The following PCDH15 variants were observed in gnomAD, a reference collection of about 807,000 sequenced individuals.
The protein encoded by PCDH15 is protocadherin related 15, also known as protocadherin-15.
Under a neutral mutation model 178.5 loss-of-function variants are expected in PCDH15, and 129 were observed. The ratio of observed to expected loss-of-function variants is 0.72; its 90% CI spans 0.63 to 0.84. The LOEUF is 0.84. Ranked by LOEUF, PCDH15 falls within the 40% of genes least tolerant of loss-of-function variation. The pLI, the probability that PCDH15 is intolerant of heterozygous loss-of-function variation, is 0.00. For synonymous variants in PCDH15, 800 were observed against 732.0 expected (o/e 1.09, Z -1.50); for missense variants, 2,230 against 2,099.9 (o/e 1.06, Z -1.21).
chr10:55,503,774 A>C (rs1840704852), intron 2 of PCDH15, among the ~76,000 whole-genome samples: 1 of 151,426 alleles, frequency 6.6e-6, no homozygotes, highest in Non-Finnish European at 1.5e-5. Flanking sequence ...GAAAACACCA[A>C]ATCTTGTCAA....
intron 8 of PCDH15, among the ~76,000 whole-genome samples, chr10:54,287,316 A>G (rs2059092067): frequency 6.6e-6 from 1 of 152,206 alleles, no homozygotes; most frequent in Non-Finnish European, 1.5e-5. Flanking sequence ...TTGGGCTTTT[A>G]TGACACACAA....
At chr10:54,935,221 A>AAAG (rs1220684657) in intron 2 of PCDH15, among the ~76,000 whole-genome samples, 7 of 152,088 alleles carry the variant, frequency 4.6e-5, no homozygotes, top group African/African-American at 1.4e-4. Context: ...CCTAAAACTT[A>AAAG]AAGTATAATA....
At chr10:54,153,957 C>A (rs1481511594) in intron 13 of PCDH15, among the ~76,000 whole-genome samples, 1 of 152,118 alleles carries the variant, frequency 6.6e-6, no homozygotes, top group African/African-American at 2.4e-5. Flanking sequence ...AGAAATGTTT[C>A]TTTGGGGAAA....
chr10:53,912,047 A>G (rs903244185), intron 25 of PCDH15, among the ~76,000 whole-genome samples: 3 of 152,222 alleles, frequency 2.0e-5, no homozygotes, highest in African/African-American at 7.2e-5. Flanking sequence ...AAAATCTTCA[A>G]TAAAATACCC....
At chr10:55,078,270 G>A (rs1055299293) in intron 2 of PCDH15, among the ~76,000 whole-genome samples, 5 of 152,104 alleles carry the variant, frequency 3.3e-5, no homozygotes, top group African/African-American at 1.2e-4. Context: ...TGACTTTTGA[G>A]AGATTGACTA....
At position 53,822,819 on chromosome 10, in the gene PCDH15, T is replaced by C. The variant is rs775258944; in HGVS notation, c.4368-2589A>G. 6.2e-6 allele frequency: 10 copies of C among 1,613,832 alleles called. No homozygotes were observed. Among genetic ancestry groups the C allele is most frequent in the Non-Finnish European group, 8.5e-6 (10 of 1,179,862 alleles). On this transcript the variant is annotated intron_variant, in intron 32 of 37. Transcript: ENST00000644397. ...TGTTTCACCTTGCCTTATTTCCTCTTTCTCTGTCAAATTTGCCTCTTCAGT... is the reference window on the plus strand; with the variant it reads ...TGTTTCACCTTGCCTTATTTCCTCTCTCTCTGTCAAATTTGCCTCTTCAGT...
chr10:55,517,704 G>A (rs1006454071), intron 2 of PCDH15, among the ~76,000 whole-genome samples: 1 of 152,064 alleles, frequency 6.6e-6, no homozygotes, highest in Non-Finnish European at 1.5e-5. Flanking sequence ...GTATATAGAT[G>A]TTTATCGCAG....
chr10:55,568,541 TA>T (rs1278241626), intron 2 of PCDH15, among the ~76,000 whole-genome samples: 1 of 151,762 alleles, frequency 6.6e-6, no homozygotes, highest in African/African-American at 2.4e-5. Context: ...TTGGAGAATA[TA>T]AACAAATAAG....
chr10:54,951,025 A>G (rs1302808583), intron 2 of PCDH15, among the ~76,000 whole-genome samples: 3 of 151,906 alleles, frequency 2.0e-5, no homozygotes, highest in Non-Finnish European at 4.4e-5. Flanking sequence ...AATATCTTTC[A>G]TGAGTGTAGT....
chr10:55,034,034 T>C (rs899214034), intron 2 of PCDH15, among the ~76,000 whole-genome samples: 1 of 151,656 alleles, frequency 6.6e-6, no homozygotes, highest in African/African-American at 2.4e-5. Context: ...AACAAACCTG[T>C]CAGTTCCTTG....
intron 1 of PCDH15, among the ~76,000 whole-genome samples, chr10:54,758,936 A>G (rs999003192): frequency 6.6e-5 from 10 of 151,958 alleles, no homozygotes; most frequent in Admixed American, 4.6e-4. Context: ...TTTGCCTCCT[A>G]TAGGTCTGGC....
intron 2 of PCDH15, among the ~76,000 whole-genome samples, chr10:54,580,845 C>T (rs967236907): frequency 6.6e-6 from 1 of 151,932 alleles, no homozygotes; most frequent in Non-Finnish European, 1.5e-5. Flanking sequence ...AAACAAAAAC[C>T]ATGTAATTAT....
rs747389124 is a variant in PCDH15 at position 53,959,916 on chromosome 10, A to G, written c.3010-72T>C. On this transcript the variant is annotated intron_variant, in intron 22 of 37. Coordinates refer to ENST00000644397, the MANE Select transcript of PCDH15 (RefSeq NM_001384140.1). ...GCGTAACAGCACAATTTTTATATGT[A>G]TGTTTTTACTTATTGGATTGCCTGG... 7.8e-6 allele frequency: 9 copies of G among 1,159,510 alleles called. No homozygotes were observed. In the South Asian group the frequency reaches 8.9e-5, roughly 11 times the overall value. 71.8% of individuals were successfully genotyped at this position (1,159,510 alleles called of 1,614,324 possible). A position where few individuals can be genotyped will look rare whatever the true frequency, so the allele number is the denominator to read the frequency against.
intron 2 of PCDH15, among the ~76,000 whole-genome samples, chr10:54,556,624 G>C (rs544020031): frequency 7.1e-6 from 1 of 140,244 alleles, no homozygotes; most frequent in Non-Finnish European, 1.5e-5. Flanking sequence ...TATTTTAAGA[G>C]ACTTTTTTTT....
intron 23 of PCDH15, among the ~76,000 whole-genome samples, chr10:53,941,501 T>A (rs2086063735): frequency 6.6e-6 from 1 of 152,206 alleles, no homozygotes; most frequent in South Asian, 2.1e-4. Flanking sequence ...CTTGATTGCT[T>A]ATTTCATTTT....
At chr10:53,823,969 TTC>T (rs1333254927) in intron 32 of PCDH15, among the ~76,000 whole-genome samples, 6 of 152,150 alleles carry the variant, frequency 3.9e-5, no homozygotes, top group African/African-American at 1.4e-4. Flanking sequence ...GGAGTTTTTC[TTC>T]TGTTTAAATT....
At position 54,155,340 on chromosome 10, in the gene PCDH15, C is replaced by T. The variant is rs182272321; in HGVS notation, c.1591-2047G>A. Among the ~76,000 whole-genome samples the T allele has an allele frequency of 2.0e-5, 3 of 152,176 alleles. No homozygotes were observed. The East Asian group carries it at 5.8e-4, about 29-fold the overall frequency. ...GCAAAACACAGGAGACAGAAACACC[C>T]ACTAAATTGCAGAGATAGTCAACCA... On this transcript the variant is annotated intron_variant, in intron 13 of 37. Transcript: ENST00000644397.
chr10:55,124,108 C>A (rs1337370182), intron 2 of PCDH15, among the ~76,000 whole-genome samples: 1 of 152,172 alleles, frequency 6.6e-6, no homozygotes, highest in Non-Finnish European at 1.5e-5. Context: ...GGACTAGTAT[C>A]AGCTATCATT....
At chr10:55,588,534 A>G (rs1842771808) in intron 2 of PCDH15, among the ~76,000 whole-genome samples, 1 of 152,172 alleles carries the variant, frequency 6.6e-6, no homozygotes, top group South Asian at 2.1e-4. Flanking sequence ...TGGTATGACA[A>G]TAACAATTTA....
Sources: gnomAD v4.1 joint callset for allele counts (sites outside exome capture counted in the v4.1 genomes callset) on GRCh38, gnomAD v4.1.1 for gene constraint, MANE v1.5 for transcripts, NCBI Gene and HGNC (gene_info 2026-07-23, HGNC 2026-07-21) for gene names.